Variants in STK32B observed in about 807,000 individuals in gnomAD.
STK32B encodes the protein serine/threonine-protein kinase 32B.
Under a neutral mutation model 52.6 loss-of-function variants are expected in STK32B, and 43 were observed. That is an observed-to-expected ratio of 0.82 (90% CI 0.64 to 1.05). The LOEUF is 1.05. Among genes scored for constraint, STK32B ranks in the 50% least tolerant of loss-of-function variants. The probability of loss-of-function intolerance (pLI) is 0.00; values close to 1 mark genes in which losing one functional copy is unlikely to be tolerated. For synonymous variants in STK32B, 238 were observed against 204.3 expected, an observed-to-expected ratio of 1.17 and a Z score of -1.41; for missense variants, 621 against 534.6, an observed-to-expected ratio of 1.16 and a Z score of -1.59.
intron 4 of STK32B, among the ~76,000 whole-genome samples, chr4:5,340,529 T>C (rs1311215340): frequency 1.3e-5 from 2 of 152,208 alleles, no homozygotes; most frequent in African/African-American, 2.4e-5. Context: ...CATTTATTGA[T>C]GGGTTAAAGC....
intron 3 of STK32B, among the ~76,000 whole-genome samples, chr4:5,308,548 T>C (rs1207014339): frequency 1.3e-5 from 2 of 152,206 alleles, no homozygotes; most frequent in Non-Finnish European, 2.9e-5. Flanking sequence ...AATCATTCTG[T>C]GTGCTTAGCA....
intron 3 of STK32B, among the ~76,000 whole-genome samples, chr4:5,300,436 A>G (rs1001971196): frequency 2.6e-5 from 4 of 152,176 alleles, no homozygotes; most frequent in Non-Finnish European, 4.4e-5. Flanking sequence ...AGCCAGAGCA[A>G]TCAGGCAAGA....
rs1354648883 is a variant in STK32B at position 5,316,894 on chromosome 4, TATATAATATATAATATATATG to T, written c.261-14313_261-14293del. Among the ~76,000 whole-genome samples, 11 of 9,762 alleles carry T rather than the reference TATATAATATATAATATATATG, an allele frequency of 1.1e-3. 1 individual carries two copies. Among genetic ancestry groups the T allele is most frequent in the South Asian group, 2.7e-3 (1 of 364 alleles). The allele number at this position is 9,762 out of a possible 152,430, so 6.4% of individuals were successfully genotyped here. A position where few individuals can be genotyped will look rare whatever the true frequency, so the allele number is the denominator to read the frequency against. ...TATATATAATATATTATATATATTA[TATATAATATATAATATATATG>T]ATATAATATATATAATATATATAAT... On this transcript the variant is annotated intron_variant, in intron 3 of 11. Coordinates refer to ENST00000282908, the MANE Select transcript of STK32B (RefSeq NM_018401.3).
At chr4:5,377,076 C>CTCTG (rs1301524545) in intron 4 of STK32B, among the ~76,000 whole-genome samples, 5 of 152,184 alleles carry the variant, frequency 3.3e-5, no homozygotes, top group Non-Finnish European at 7.3e-5. Flanking sequence ...CCTGGCAGCT[C>CTCTG]TCTGCACTTC....
chr4:5,025,496 A>T, the STK32B span, among the ~76,000 whole-genome samples: 1 of 152,052 alleles, frequency 6.6e-6, no homozygotes, highest in Non-Finnish European at 1.5e-5. Flanking sequence ...CTCCTAACTC[A>T]TTGGTGTGTA....
chr4:5,134,173 C>T (rs1715932154), intron 1 of STK32B, among the ~76,000 whole-genome samples: 1 of 152,142 alleles, frequency 6.6e-6, no homozygotes, highest in Non-Finnish European at 1.5e-5. Flanking sequence ...GCATCGCAGG[C>T]CCAGATTTTT....
chr4:5,436,290 T>C (rs1714067618), intron 6 of STK32B, among the ~76,000 whole-genome samples: 1 of 152,212 alleles, frequency 6.6e-6, no homozygotes, highest in African/African-American at 2.4e-5. Context: ...CTGAGGATGA[T>C]GGTAGAACAC....
intron 6 of STK32B, among the ~76,000 whole-genome samples, chr4:5,419,204 G>A (rs1712417624): frequency 6.6e-6 from 1 of 152,200 alleles, no homozygotes; most frequent in African/African-American, 2.4e-5. Flanking sequence ...GTTCAGGATA[G>A]CGTTCCTAAC....
intron 11 of STK32B, among the ~76,000 whole-genome samples, chr4:5,481,042 T>G (rs1411349027): frequency 6.6e-6 from 1 of 152,208 alleles, no homozygotes; most frequent in African/African-American, 2.4e-5. Flanking sequence ...ACAATAAACA[T>G]ACGTGTGCAT....
chr4:5,209,799 G>C (rs1181662896), intron 3 of STK32B, among the ~76,000 whole-genome samples: 2 of 152,068 alleles, frequency 1.3e-5, no homozygotes. Flanking sequence ...ATTGACATTT[G>C]AGAAAGTAGG....
chr4:5,195,257 A>G (rs547807891), intron 3 of STK32B, among the ~76,000 whole-genome samples: 18 of 152,294 alleles, frequency 1.2e-4, no homozygotes, highest in African/African-American at 4.1e-4. Context: ...TCTTCAAGAT[A>G]GGGCTATGGC....
chr4:5,238,032 C>A (rs1349061488), intron 3 of STK32B, among the ~76,000 whole-genome samples: 1 of 152,136 alleles, frequency 6.6e-6, no homozygotes, highest in African/African-American at 2.4e-5. Context: ...TCCAGGATTG[C>A]TCTTACGCTC....
intron 3 of STK32B, among the ~76,000 whole-genome samples, chr4:5,217,950 A>G (rs1474170747): frequency 6.6e-6 from 1 of 152,242 alleles, no homozygotes; most frequent in Non-Finnish European, 1.5e-5. Flanking sequence ...AATGAAAATT[A>G]TACATAGAAG....
At chr4:5,397,754 G>A (rs1737011322) in intron 4 of STK32B, among the ~76,000 whole-genome samples, 1 of 152,206 alleles carries the variant, frequency 6.6e-6, no homozygotes, top group African/African-American at 2.4e-5. Flanking sequence ...GCTGGATTTG[G>A]CCAAGAGCCG....
At chr4:5,176,117 C>T (rs569204994) in intron 3 of STK32B, among the ~76,000 whole-genome samples, 10 of 152,352 alleles carry the variant, frequency 6.6e-5, no homozygotes, top group Middle Eastern at 3.4e-3. Flanking sequence ...GGGATATAAT[C>T]TCCTGGTGTG....
At chr4:5,436,688 C>A (rs16837224) in intron 6 of STK32B, 1 of 983,244 alleles carries the variant, frequency 1.0e-6, no homozygotes, top group African/African-American at 1.8e-5. Flanking sequence ...GTTAGAATCA[C>A]GCAGAATTGG....
chr4:5,209,684 ACACCAAG>A (rs921800395), intron 3 of STK32B, among the ~76,000 whole-genome samples: 2 of 152,214 alleles, frequency 1.3e-5, no homozygotes, highest in African/African-American at 4.8e-5. Context: ...GCTGCCATCT[ACACCAAG>A]CACCTCTGTG....
chr4:5,483,383 T>G (rs548667749), intron 11 of STK32B, among the ~76,000 whole-genome samples: 1 of 152,162 alleles, frequency 6.6e-6, no homozygotes, highest in African/African-American at 2.4e-5. Context: ...GTAGAGGTGT[T>G]TATAGTGTTC....
At chr4:5,265,411 A>G (rs1430414892) in intron 3 of STK32B, among the ~76,000 whole-genome samples, 1 of 152,238 alleles carries the variant, frequency 6.6e-6, no homozygotes, top group Non-Finnish European at 1.5e-5. Flanking sequence ...CCCACATGGA[A>G]TAAGACTTGG....
Sources: gnomAD v4.1 joint callset for allele counts (sites outside exome capture counted in the v4.1 genomes callset) on GRCh38, gnomAD v4.1.1 for gene constraint, MANE v1.5 for transcripts, NCBI Gene and HGNC (gene_info 2026-07-23, HGNC 2026-07-21) for gene names.